Variants in CCNB1 observed in about 807,000 individuals in gnomAD.
CCNB1 encodes the protein G2/mitotic-specific cyclin-B1.
A neutral mutation model predicts 44.4 loss-of-function variants in CCNB1; 26 were observed. The observed-to-expected ratio is 0.59, with a 90% confidence interval of 0.43 to 0.81. The LOEUF (loss-of-function observed/expected upper bound fraction) is 0.81. CCNB1 is among the 40% of genes least tolerant of loss of function. The pLI is 0.00. For synonymous variants in CCNB1, 195 were observed against 181.4 expected (o/e 1.08, Z -0.60); for missense variants, 477 against 520.9 (o/e 0.92, Z 0.82).
chr5:69,177,742 T>C lies in CCNB1; in HGVS notation c.*111T>C. ...TAATAAAGCTTGTGGCCCCTTTTAC[T>C]TTTTTATAGCTTAACTAATTTGAAT... On this transcript the variant is annotated 3_prime_UTR_variant, in exon 9 of 9. Coordinates refer to ENST00000256442, the MANE Select transcript of CCNB1 (RefSeq NM_031966.4). The C allele has an allele frequency of 3.0e-6, 2 of 665,458 alleles. No individual in the cohort carries two copies. The highest frequency in any genetic ancestry group is 5.3e-6 in the Non-Finnish European group (2 of 379,888). The allele number at this position is 665,458 out of a possible 1,614,324, so 41.2% of individuals were successfully genotyped here.
In CCNB1 at chr5:69,167,186, G is replaced by T. The variant is rs575008829; in HGVS notation, c.-77G>T. The T allele has an allele frequency of 6.1e-5, 78 of 1,286,104 alleles. No homozygotes were observed. The East Asian group carries it at 1.4e-3, about 24-fold the overall frequency. 79.7% of individuals were successfully genotyped at this position (1,286,104 alleles called of 1,614,324 possible). On this transcript the variant is annotated 5_prime_UTR_variant, in exon 1 of 9. Coordinates refer to ENST00000256442, the MANE Select transcript of CCNB1 (RefSeq NM_031966.4). Reference sequence around the variant, plus strand: ...GCGGAACGGCTGTTGGTTTCTGCTGGGTGTAGGTCCTTGGCTGGTCGGGCC... The same window carrying T: ...GCGGAACGGCTGTTGGTTTCTGCTGTGTGTAGGTCCTTGGCTGGTCGGGCC...
At chr5:69,177,074 C>T (rs1486616696) in intron 7 of CCNB1, 165 bp from the exon 8 acceptor site, 1 of 491,998 alleles carries the variant, frequency 2.0e-6, no homozygotes, top group Non-Finnish European at 3.6e-6. Flanking sequence ...GCAGAGGAAG[C>T]ATGAGAGCAC....
At chr5:69,168,406 C>G (rs754212640) in intron 3 of CCNB1, 63 bp downstream of exon 3, 7 of 1,561,726 alleles carry the variant, frequency 4.5e-6, no homozygotes, top group African/African-American at 4.1e-5. Flanking sequence ...TTCACTGATA[C>G]ATGCAAGAGC....
In CCNB1 at chr5:69,175,472, C is replaced by A. The variant is rs527481110; in HGVS notation, c.1018C>A (p.Pro340Thr). The change falls in exon 7 of 9, where the codon CCT becomes ACT. Residue 340 changes from proline to threonine, a missense_variant. Coordinates refer to ENST00000256442, the MANE Select transcript of CCNB1 (RefSeq NM_031966.4). ...GTTGGACTATGACATGGTGCACTTT[C>A]CTCCTTCTCAAATTGCAGCAGGAGC... is the stretch of plus-strand genomic sequence containing the variant. ...TMLDYDMVHF[P>T]PSQIAAGAFC... is the part of the protein sequence containing the mutation. The A allele has an allele frequency of 3.1e-6, 5 of 1,614,028 alleles. No homozygotes were observed. The highest frequency in any genetic ancestry group is 2.7e-5 in the African/African-American group (2 of 75,062).
chr5:69,175,388 T>C lies in CCNB1; in HGVS notation c.943-9T>C. ...TGAAAGAAACTCAGTAACATGGGTT[T>C]TGTTTCAGGTTGATGTCGAGCAACA... On this transcript the variant is annotated splice_polypyrimidine_tract_variant and intron_variant, in intron 6 of 8. Coordinates refer to ENST00000256442, the MANE Select transcript of CCNB1 (RefSeq NM_031966.4). 1 of 1,610,556 alleles carries C rather than the reference T, an allele frequency of 6.2e-7. No homozygotes were observed. Among genetic ancestry groups the C allele is most frequent in the Non-Finnish European group, 8.5e-7 (1 of 1,178,832 alleles).
intron 4 of CCNB1, among the ~76,000 whole-genome samples, chr5:69,173,434 TTAAAG>T (rs1183316679): frequency 1.3e-5 from 2 of 152,128 alleles, no homozygotes; most frequent in Non-Finnish European, 2.9e-5. Context: ...AAGGCCAAAC[TTAAAG>T]TGAATAGGCA....
At chr5:69,171,181 G>T in intron 3 of CCNB1, 89 bp from the exon 4 acceptor site, 1 of 857,504 alleles carries the variant, frequency 1.2e-6, no homozygotes, top group Non-Finnish European at 1.8e-6. Flanking sequence ...CAGAATACTA[G>T]CTTGAGTTGG....
In CCNB1 at chr5:69,167,994, G is replaced by T; in HGVS notation, c.108G>T (p.Lys36Asn). The change falls in exon 2 of 9, where the codon AAG becomes AAT. Residue 36 changes from lysine to asparagine, a missense_variant. Transcript: ENST00000256442. ...CTACGGCCCCTGCTGCAACCTCCAA[G>T]CCCGGACTGAGGCCAAGAACAGCTC... ...RVPTAPAATS[K>N]PGLRPRTALG... 1 of 1,614,204 alleles carries T rather than the reference G, an allele frequency of 6.2e-7. No individual in the cohort carries two copies. Among genetic ancestry groups the T allele is most frequent in the Non-Finnish European group, 8.5e-7 (1 of 1,180,044 alleles).
At chr5:69,168,516 C>T (rs951740367) in intron 3 of CCNB1, among the ~76,000 whole-genome samples, 173 bp downstream of exon 3, 1 of 127,548 alleles carries the variant, frequency 7.8e-6, no homozygotes, top group Non-Finnish European at 1.7e-5. Context: ...AATCTTTACA[C>T]GTACTCTCTG....
Position 69,168,323 on chromosome 5 carries a change from C to T in CCNB1, c.343C>T (p.Leu115Phe). The T allele has an allele frequency of 7.4e-6, 12 of 1,614,180 alleles. No individual in the cohort carries two copies. Among genetic ancestry groups the T allele is most frequent in the Non-Finnish European group, 1.0e-5 (12 of 1,180,020 alleles). ...PEPEPVKEEK[L>F]SPEPILVDTA... ...ACCTGAGCCTGTTAAAGAAGAAAAACTTTCGCCTGAGCCTATTTTGGTAAA... is the reference window on the plus strand; with the variant it reads ...ACCTGAGCCTGTTAAAGAAGAAAAATTTTCGCCTGAGCCTATTTTGGTAAA... The change falls in exon 3 of 9, where the codon CTT becomes TTT. Residue 115 changes from leucine (L) to phenylalanine (F), a missense_variant. Coordinates refer to ENST00000256442, the MANE Select transcript of CCNB1 (RefSeq NM_031966.4).
At chr5:69,168,729 G>A (rs906369339) in intron 3 of CCNB1, among the ~76,000 whole-genome samples, 5 of 152,134 alleles carry the variant, frequency 3.3e-5, no homozygotes, top group Non-Finnish European at 2.9e-5. Flanking sequence ...CCAACTACAA[G>A]CCATCTCTGC....
intron 7 of CCNB1, among the ~76,000 whole-genome samples, chr5:69,175,829 G>A (rs1039254639): frequency 9.9e-5 from 15 of 151,704 alleles, no homozygotes; most frequent in Admixed American, 2.6e-4. Flanking sequence ...TTTCATGTCA[G>A]ATGGGTAATA....
In CCNB1 at chr5:69,168,265, TGAGCCAGTGCCA is replaced by T. The variant is rs1375915881; in HGVS notation, c.293_304del (p.Val98_Pro101del). 23 of 1,613,854 alleles carry T rather than the reference TGAGCCAGTGCCA, an allele frequency of 1.4e-5. No individual in the cohort carries two copies. Among genetic ancestry groups the T allele is most frequent in the African/African-American group, 6.7e-5 (5 of 74,924 alleles). ...CTATGCTGGTGCCAGTGCCAGTGTC[TGAGCCAGTGCCA>T]GAGCCAGAACCTGAGCCAGAACCTG... On this transcript the variant is annotated inframe_deletion, in exon 3 of 9. Transcript: ENST00000256442.
At chr5:69,173,795 A>C (rs1171414231) in intron 4 of CCNB1, among the ~76,000 whole-genome samples, 1 of 151,674 alleles carries the variant, frequency 6.6e-6, no homozygotes, top group African/African-American at 2.4e-5. Context: ...GTGGGGAGAC[A>C]GTCTCACTCT....
chr5:69,174,107 G>A (rs1028376732), intron 4 of CCNB1, 144 bp from the exon 5 acceptor site: 10 of 656,648 alleles, frequency 1.5e-5, no homozygotes, highest in Non-Finnish European at 2.5e-5. Context: ...TGTTGTTTGT[G>A]GTTGACCATA....
chr5:69,167,489 A>G, intron 1 of CCNB1: 1 of 584,020 alleles, frequency 1.7e-6, no homozygotes, highest in Non-Finnish European at 3.1e-6. Context: ...GAGGAAGGTG[A>G]GAAAGAGAAC....
rs560243158 is a variant in CCNB1 at position 69,174,731 on chromosome 5, C to T, written c.706-146C>T. On this transcript the variant is annotated intron_variant, in intron 5 of 8. Transcript: ENST00000256442. ...CTCAAAAAAAAAAGAAAGAAATAAA[C>T]TGACTTTTTCAACTAAAATCTTTCT... 8.7e-5 allele frequency: 65 copies of T among 746,804 alleles called. No homozygotes were observed. The African/African-American group carries it at 1.1e-3, about 13-fold the overall frequency. 46.3% of individuals were successfully genotyped at this position (746,804 alleles called of 1,614,324 possible).
chr5:69,177,267 A>G lies in CCNB1; in HGVS notation c.1112A>G (p.Tyr371Cys). The change falls in exon 8 of 9, where the codon TAT (tyrosine) becomes TGT (cysteine). Residue 371 changes from tyrosine to cysteine, a missense_variant. Tyr to Cys is a radical substitution (Grantham distance 194, BLOSUM62 -2). Coordinates refer to ENST00000256442, the MANE Select transcript of CCNB1 (RefSeq NM_031966.4). The stretch of plus-strand genomic sequence containing the variant: ...CCAACTCTACAACATTACCTGTCAT[A>G]TACTGAAGAATCTCTTCTTCCAGTT... ...WTPTLQHYLS[Y>C]TEESLLPVMQ... 5.6e-6 allele frequency: 9 copies of G among 1,611,216 alleles called. No individual in the cohort carries two copies. The highest frequency in any genetic ancestry group is 7.6e-6 in the Non-Finnish European group (9 of 1,177,436).
chr5:69,177,823 G>A lies in CCNB1; in HGVS notation c.*192G>A. 2.0e-6 allele frequency: 1 copy of A among 489,416 alleles called. No homozygotes were observed. The highest frequency in any genetic ancestry group is 3.6e-6 in the Non-Finnish European group (1 of 275,610). The allele number at this position is 489,416 out of a possible 1,614,324, so 30.3% of individuals were successfully genotyped here. ...AAGTTGTCTTAAAAGGTATGGTGGGGATATTTTTAAAAACTCCTTTTGGTT... is the reference window on the plus strand; with the variant it reads ...AAGTTGTCTTAAAAGGTATGGTGGGAATATTTTTAAAAACTCCTTTTGGTT... On this transcript the variant is annotated 3_prime_UTR_variant, in exon 9 of 9. Coordinates refer to ENST00000256442, the MANE Select transcript of CCNB1 (RefSeq NM_031966.4).
Sources: allele counts gnomAD v4.1 joint callset (sites outside exome capture counted in the v4.1 genomes callset), GRCh38; gene constraint gnomAD v4.1.1; transcripts MANE v1.5; gene names NCBI Gene and HGNC (gene_info 2026-07-23, HGNC 2026-07-21).